ESRRB: variants seen among roughly 807,000 people sequenced by gnomAD.
The protein encoded by ESRRB is estrogen related receptor beta, also known as steroid hormone receptor ERR2.
Under a neutral mutation model 46.0 loss-of-function variants are expected in ESRRB, and 16 were observed. The observed-to-expected ratio is 0.35, with a 90% CI of 0.24 to 0.53. The LOEUF (loss-of-function observed/expected upper bound fraction) is 0.53, where lower values mean the gene tolerates loss of function less well. Among genes scored for constraint, ESRRB ranks in the 20% least tolerant of loss-of-function variants. The pLI is 0.93. For missense variants in ESRRB, 488 were observed against 607.4 expected (o/e 0.80, Z 2.07); for synonymous variants, 246 against 259.6 (o/e 0.95, Z 0.50).
intron 1 of ESRRB, among the ~76,000 whole-genome samples, chr14:76,407,130 A>C (rs1328360141): frequency 6.6e-6 from 1 of 152,238 alleles, no homozygotes; most frequent in Non-Finnish European, 1.5e-5. Context: ...CCCAGGAGTC[A>C]CAGCACATTT....
chr14:76,369,598 C>T (rs1319174633), upstream of ESRRB, among the ~76,000 whole-genome samples: 1 of 152,136 alleles, frequency 6.6e-6, no homozygotes, highest in East Asian at 1.9e-4. Flanking sequence ...TTCCTAAAAC[C>T]TGGAAGCATT....
At chr14:76,368,500 C>T (rs1210443141), upstream of ESRRB, among the ~76,000 whole-genome samples, 2 of 152,166 alleles carry the variant, frequency 1.3e-5, no homozygotes, top group African/African-American at 4.8e-5. Flanking sequence ...ACCAGCGATC[C>T]TACAGTCTGT....
At chr14:76,347,431 G>GGCACAGACCATGTGTGTCTAATTCAC (rs1595051168) in intron 1 of ESRRB, among the ~76,000 whole-genome samples, 6 of 61,308 alleles carry the variant, frequency 9.8e-5, no homozygotes, top group Middle Eastern at 0.018. Context: ...GTGTGTGTGT[G>GGCACAGACCATGTGTGTCTAATTCAC]TGTCACACAC....
intron 1 of ESRRB, among the ~76,000 whole-genome samples, chr14:76,423,170 G>T (rs1408341317): frequency 7.7e-6 from 1 of 129,170 alleles, no homozygotes; most frequent in African/African-American, 3.0e-5. Flanking sequence ...TTTTGAGAGA[G>T]TCTCACTCTG....
chr14:76,498,164 A>C lies in ESRRB; in HGVS notation c.1121-50A>C, dbSNP rs145153597. The C allele has an allele frequency of 9.0e-5, 145 of 1,612,114 alleles. No individual in the cohort carries two copies. In the African/African-American group the frequency reaches 1.7e-3, roughly 19 times the overall value. Reference sequence around the variant, plus strand: ...TGGACCCCAAGATGGCCCCCACACCAGGCAGCACTCCCTGGCCAAGCCTGC... The same window carrying C: ...TGGACCCCAAGATGGCCCCCACACCCGGCAGCACTCCCTGGCCAAGCCTGC... On this transcript the variant is annotated intron_variant, in intron 6 of 6. Transcript: ENST00000644823.
intron 1 of ESRRB, among the ~76,000 whole-genome samples, chr14:76,407,129 C>CA (rs2077460792): frequency 6.6e-6 from 1 of 152,188 alleles, no homozygotes; most frequent in African/African-American, 2.4e-5. Context: ...CCCCAGGAGT[C>CA]ACAGCACATT....
At chr14:76,491,751 C>CT (rs773297884) in intron 6 of ESRRB, 35 bp downstream of exon 6, 2 of 1,550,552 alleles carry the variant, frequency 1.3e-6, no homozygotes, top group Non-Finnish European at 1.7e-6. Context: ...AGGGGAGCTT[C>CT]TAGGGCTCTG....
At chr14:76,322,492 A>G (rs1283332379) in intron 1 of ESRRB, among the ~76,000 whole-genome samples, 1 of 151,954 alleles carries the variant, frequency 6.6e-6, no homozygotes, top group Non-Finnish European at 1.5e-5. Context: ...CCTACTTCTG[A>G]CCTTCTAGCC....
chr14:76,442,625 T>C (rs1034418760), intron 2 of ESRRB, among the ~76,000 whole-genome samples: 4 of 152,200 alleles, frequency 2.6e-5, no homozygotes, highest in Admixed American at 2.6e-4. Context: ...CAAATGTTTG[T>C]AATTATTATT....
chr14:76,443,791 G>A (rs1888017658), intron 2 of ESRRB, among the ~76,000 whole-genome samples: 1 of 152,196 alleles, frequency 6.6e-6, no homozygotes, highest in African/African-American at 2.4e-5. Context: ...AGCAAGTCAG[G>A]AGTCCACATG....
intron 1 of ESRRB, among the ~76,000 whole-genome samples, chr14:76,311,861 C>T (rs1476408635): frequency 1.3e-5 from 2 of 152,022 alleles, no homozygotes; most frequent in African/African-American, 4.8e-5. Context: ...ACGAGCTTCC[C>T]GTGCAACGTT....
chr14:76,411,143 T>C (rs1172856257), intron 1 of ESRRB, among the ~76,000 whole-genome samples: 1 of 151,764 alleles, frequency 6.6e-6, no homozygotes, highest in African/African-American at 2.4e-5. Context: ...TACCCAAGCA[T>C]CCTAAAAACA....
chr14:76,456,461 C>A (rs1361373607), intron 2 of ESRRB, among the ~76,000 whole-genome samples: 2 of 151,990 alleles, frequency 1.3e-5, no homozygotes, highest in Non-Finnish European at 2.9e-5. Flanking sequence ...GGACCATGGT[C>A]GCAAGGGGTG....
rs1256800228 is a variant in ESRRB at position 76,482,200 on chromosome 14, A to G, written c.688+74A>G. 3 of 1,113,156 alleles carry G rather than the reference A, an allele frequency of 2.7e-6. No individual in the cohort carries two copies. The highest frequency in any genetic ancestry group is 2.5e-5 in the South Asian group (2 of 79,602). 69.0% of individuals were successfully genotyped at this position (1,113,156 alleles called of 1,614,324 possible). A position where few individuals can be genotyped will look rare whatever the true frequency, so the allele number is the denominator to read the frequency against. ...AACATCAGGCATCCCTTAGGGAAAC[A>G]TCATCTTCCCACCACTGGGTCATGA... On this transcript the variant is annotated intron_variant, in intron 4 of 6. Coordinates refer to ENST00000644823, the MANE Select transcript of ESRRB (RefSeq NM_001379180.1). The surrounding 1 kb of genome is among the most constrained non-coding windows in gnomAD (Gnocchi z 4.3).
chr14:76,407,202 C>T (rs1886224864), intron 1 of ESRRB, among the ~76,000 whole-genome samples: 1 of 152,158 alleles, frequency 6.6e-6, no homozygotes, highest in South Asian at 2.1e-4. Flanking sequence ...CTGAGTCAGT[C>T]GGTTGGGGGC....
At chr14:76,467,712 T>TC (rs1389803365) in intron 3 of ESRRB, among the ~76,000 whole-genome samples, 1 of 152,014 alleles carries the variant, frequency 6.6e-6, no homozygotes, top group Non-Finnish European at 1.5e-5. Flanking sequence ...GATGGGCAGC[T>TC]CCCCTGGTAG....
At chr14:76,375,544 G>A (rs1884731856), upstream of ESRRB, among the ~76,000 whole-genome samples, 1 of 152,158 alleles carries the variant, frequency 6.6e-6, no homozygotes, top group African/African-American at 2.4e-5. Flanking sequence ...TTATAGATGC[G>A]CACCCTGCAT....
At chr14:76,334,495 G>T (rs778661396) in intron 1 of ESRRB, among the ~76,000 whole-genome samples, 111 of 152,174 alleles carry the variant, frequency 7.3e-4, no homozygotes, top group Non-Finnish European at 1.4e-3. Context: ...TCAGCTGGAG[G>T]GGGAATATTA....
chr14:76,429,223 C>T (rs984493332), intron 1 of ESRRB, among the ~76,000 whole-genome samples: 2 of 152,104 alleles, frequency 1.3e-5, no homozygotes, highest in African/African-American at 4.8e-5. Context: ...CCCAAAGCAG[C>T]CTGGCATTCT....
Sources: gnomAD v4.1 joint callset for allele counts (sites outside exome capture counted in the v4.1 genomes callset) on GRCh38, gnomAD v4.1.1 for gene constraint, Gnocchi (gnomAD v3.1) non-coding constraint, MANE v1.5 for transcripts, NCBI Gene and HGNC (gene_info 2026-07-23, HGNC 2026-07-21) for gene names.